COL6A6: variants seen among roughly 807,000 people sequenced by gnomAD.
COL6A6 encodes collagen alpha-6(VI) chain.
A neutral mutation model predicts 208.6 loss-of-function variants in COL6A6; 183 were observed. That is an observed-to-expected ratio of 0.88 (90% confidence interval 0.78 to 0.99). The LOEUF (loss-of-function observed/expected upper bound fraction) is 0.99, where lower values mean the gene tolerates loss of function less well. Ranked by LOEUF, COL6A6 falls within the 50% of genes least tolerant of loss-of-function variation. The probability of loss-of-function intolerance (pLI) is 0.00; values close to 1 mark genes in which losing one functional copy is unlikely to be tolerated. For synonymous variants in COL6A6, 973 were observed against 1,011.8 expected, an observed-to-expected ratio of 0.96 and a Z score of 0.73; for missense variants, 2,816 against 2,815.2, an observed-to-expected ratio of 1.00 and a Z score of -0.01.
At chr3:130,556,930 G>T (rs1180130790) in intron 1 of COL6A6, among the ~76,000 whole-genome samples, 1 of 152,180 alleles carries the variant, frequency 6.6e-6, no homozygotes, top group African/African-American at 2.4e-5. Context: ...TTCAAAACAG[G>T]CGTTCAGTGT....
intron 1 of COL6A6, among the ~76,000 whole-genome samples, chr3:130,558,633 C>G (rs951057097): frequency 3.9e-5 from 6 of 152,196 alleles, no homozygotes; most frequent in Admixed American, 3.9e-4. Flanking sequence ...CCCATTGTGA[C>G]TGTTTGCAAA....
At chr3:130,610,793 T>G (rs2064334980) in intron 23 of COL6A6, 82 bp downstream of exon 23, 1 of 986,182 alleles carries the variant, frequency 1.0e-6, no homozygotes, top group Admixed American at 2.4e-5. Flanking sequence ...CAGGTGGAGT[T>G]ATTTACTGCT....
At chr3:130,669,228 C>T (rs2108486614) in intron 36 of COL6A6, among the ~76,000 whole-genome samples, 1 of 152,232 alleles carries the variant, frequency 6.6e-6, no homozygotes, top group African/African-American at 2.4e-5. Flanking sequence ...AACCCCATCT[C>T]TACTAAAAAT....
intron 8 of COL6A6, among the ~76,000 whole-genome samples, chr3:130,579,918 C>G (rs1482020390): frequency 6.6e-6 from 1 of 152,222 alleles, no homozygotes; most frequent in Non-Finnish European, 1.5e-5. Context: ...AAATTCCATT[C>G]CTTCTATCAC....
chr3:130,586,991 C>T (rs1011542850), intron 11 of COL6A6, among the ~76,000 whole-genome samples: 6 of 152,144 alleles, frequency 3.9e-5, no homozygotes, highest in African/African-American at 1.4e-4. Context: ...GAGCGTGAAT[C>T]GGCCGTTAAC....
intron 33 of COL6A6, among the ~76,000 whole-genome samples, chr3:130,651,751 G>A (rs2065651608): frequency 6.6e-6 from 1 of 152,114 alleles, no homozygotes; most frequent in African/African-American, 2.4e-5. Context: ...TTATCCCTTG[G>A]TTTTGTTTAG....
At chr3:130,521,982 C>A (rs1382961649) in intron 1 of COL6A6, among the ~76,000 whole-genome samples, 1 of 152,264 alleles carries the variant, frequency 6.6e-6, no homozygotes, top group East Asian at 1.9e-4. Flanking sequence ...AGTTACCTCC[C>A]AAATAAACTA....
chr3:130,659,000 CT>C (rs764288691), intron 34 of COL6A6, among the ~76,000 whole-genome samples: 3 of 152,166 alleles, frequency 2.0e-5, no homozygotes, highest in Non-Finnish European at 1.5e-5. Context: ...CATTCCAGGC[CT>C]TTCTACATAG....
At chr3:130,525,466 C>T (rs147009351) in intron 1 of COL6A6, among the ~76,000 whole-genome samples, 2 of 152,230 alleles carry the variant, frequency 1.3e-5, no homozygotes, top group Non-Finnish European at 2.9e-5. Flanking sequence ...TTCAAAAGTC[C>T]ATTCTCCTTT....
intron 33 of COL6A6, among the ~76,000 whole-genome samples, chr3:130,656,960 G>A (rs1384167707): frequency 2.6e-5 from 4 of 152,218 alleles, no homozygotes; most frequent in Non-Finnish European, 4.4e-5. Flanking sequence ...CAGGCATTTC[G>A]AGCTGGTAGG....
chr3:130,568,625 T>C (rs776950483), intron 6 of COL6A6, 21 bp downstream of exon 6: 105 of 1,557,460 alleles, frequency 6.7e-5, no homozygotes, highest in Non-Finnish European at 8.0e-5. Context: ...GCATACTCAC[T>C]AGCAGGACTA....
chr3:130,584,367 G>A (rs1260386369), intron 10 of COL6A6, among the ~76,000 whole-genome samples: 2 of 151,996 alleles, frequency 1.3e-5, no homozygotes, highest in Admixed American at 6.6e-5. Context: ...CCATTAGCAT[G>A]CCTTCTCTTG....
chr3:130,549,470 C>T (rs1047558766), intron 1 of COL6A6, among the ~76,000 whole-genome samples: 1 of 152,130 alleles, frequency 6.6e-6, no homozygotes, highest in Non-Finnish European at 1.5e-5. Flanking sequence ...TGCTAGGTCC[C>T]ATGTCCAGAA....
rs2062936790 is a variant in COL6A6, at chr3:130,563,289, A to C, written c.286A>C (p.Lys96Gln). The change falls in exon 3 of 37, where the codon AAG becomes CAG. Residue 96 changes from lysine to glutamine, a missense_variant. Lys to Gln is a moderately conservative substitution (Grantham distance 53). Transcript: ENST00000358511. ...GAGCCCCATGCTGAACCACCTAAGG[A>C]AGAACTTTGGATTCATTGGCGGGTC... The part of the protein sequence containing the change: ...GRSPMLNHLR[K>Q]NFGFIGGSLQ... The C allele has an allele frequency of 5.0e-6, 8 of 1,613,976 alleles. No homozygotes were observed. The Middle Eastern group carries it at 8.2e-4, about 166-fold the overall frequency.
intron 24 of COL6A6, 79 bp from the exon 25 acceptor site, chr3:130,626,406 T>C: frequency 2.0e-6 from 2 of 1,002,294 alleles, no homozygotes; most frequent in Non-Finnish European, 3.2e-6. Flanking sequence ...CCCATTGTTG[T>C]GTGTGATCCA....
intron 1 of COL6A6, among the ~76,000 whole-genome samples, chr3:130,547,083 C>A (rs934214694): frequency 3.9e-5 from 6 of 152,252 alleles, no homozygotes; most frequent in Admixed American, 6.5e-5. Flanking sequence ...AGCCCTTGGG[C>A]GGTTGATGCG....
intron 1 of COL6A6, among the ~76,000 whole-genome samples, chr3:130,550,539 A>G (rs541669842): frequency 1.1e-4 from 16 of 152,332 alleles, no homozygotes; most frequent in South Asian, 4.1e-4. Context: ...ACAGTTCCAC[A>G]TGGCTGGGGA....
At chr3:130,655,235 G>A (rs1257797001) in intron 33 of COL6A6, among the ~76,000 whole-genome samples, 1 of 151,968 alleles carries the variant, frequency 6.6e-6, no homozygotes, top group Non-Finnish European at 1.5e-5. Flanking sequence ...TCTTTCCCAC[G>A]GTGGCCACTG....
At chr3:130,532,680 T>C (rs1391403481) in intron 1 of COL6A6, among the ~76,000 whole-genome samples, 3 of 152,258 alleles carry the variant, frequency 2.0e-5, no homozygotes, top group African/African-American at 4.8e-5. Flanking sequence ...GCACCAGTTA[T>C]CTAAGTTTGC....
Sources: allele counts gnomAD v4.1 joint callset (sites outside exome capture counted in the v4.1 genomes callset), GRCh38; gene constraint gnomAD v4.1.1; transcripts MANE v1.5; gene names NCBI Gene and HGNC (gene_info 2026-07-23, HGNC 2026-07-21).